Variants in ANO2 observed in about 807,000 individuals in gnomAD.
ANO2 encodes anoctamin 2, also known as anoctamin-2.
In ANO2, 101 loss-of-function variants were observed where a neutral mutation model predicts 124.2. The observed-to-expected ratio is 0.81, with a 90% CI of 0.69 to 0.96. The LOEUF is 0.96. Among genes scored for constraint, ANO2 ranks in the 40% least tolerant of loss-of-function variants. ANO2 has a pLI of 0.00. For synonymous variants in ANO2, 486 were observed against 482.5 expected (o/e 1.01, Z -0.09); for missense variants, 1,293 against 1,274.5 (o/e 1.01, Z -0.22).
intron 4 of ANO2, among the ~76,000 whole-genome samples, chr12:5,842,629 G>T (rs766465569): frequency 3.9e-5 from 6 of 152,162 alleles, no homozygotes; most frequent in Non-Finnish European, 8.8e-5. Flanking sequence ...TTTATTTAGT[G>T]CCTGCTGTAC....
chr12:5,841,667 C>A (rs1014126691), intron 4 of ANO2, among the ~76,000 whole-genome samples: 1 of 152,128 alleles, frequency 6.6e-6, no homozygotes, highest in Non-Finnish European at 1.5e-5. Context: ...TACCTTGGGG[C>A]CTGTGGGCAT....
intron 4 of ANO2, among the ~76,000 whole-genome samples, chr12:5,845,717 T>G (rs750901718): frequency 2.0e-5 from 3 of 152,218 alleles, no homozygotes; most frequent in Non-Finnish European, 4.4e-5. Context: ...AGCGTGGCTT[T>G]GGAGTCAGAC....
At chr12:5,827,906 G>A (rs2137211190) in intron 6 of ANO2, 86 bp from the exon 7 acceptor site, 1 of 1,466,118 alleles carries the variant, frequency 6.8e-7, no homozygotes, top group Non-Finnish European at 9.2e-7. Context: ...CCTGGCAGGG[G>A]CGGGAGGCGC....
intron 4 of ANO2, among the ~76,000 whole-genome samples, chr12:5,840,993 G>T (rs1193117280): frequency 6.6e-6 from 1 of 152,094 alleles, no homozygotes; most frequent in Non-Finnish European, 1.5e-5. Context: ...TCACCAGCTG[G>T]GCAAGGATGG....
intron 14 of ANO2, among the ~76,000 whole-genome samples, chr12:5,662,017 C>T (rs958605466): frequency 9.2e-5 from 14 of 152,198 alleles, no homozygotes; most frequent in Admixed American, 3.3e-4. Context: ...GCTCCCATGG[C>T]GCCCCTCCCT....
At chr12:5,827,436 C>A (rs1953991580) in intron 7 of ANO2, among the ~76,000 whole-genome samples, 3 of 152,150 alleles carry the variant, frequency 2.0e-5, no homozygotes. Context: ...TTATTAGAAA[C>A]TATTGGAAAT....
chr12:5,922,960 C>T (rs112460758), intron 1 of ANO2, among the ~76,000 whole-genome samples, 156 bp from the exon 2 acceptor site: 1 of 152,128 alleles, frequency 6.6e-6, no homozygotes, highest in Non-Finnish European at 1.5e-5. Flanking sequence ...CAGGTTCACA[C>T]TGACCACAAG....
intron 10 of ANO2, among the ~76,000 whole-genome samples, chr12:5,781,473 G>A (rs917608632): frequency 1.3e-5 from 2 of 152,134 alleles, no homozygotes; most frequent in Non-Finnish European, 2.9e-5. Flanking sequence ...TCTATCTCTA[G>A]GATTGAGATG....
At chr12:5,685,593 G>A (rs531702578) in intron 14 of ANO2, among the ~76,000 whole-genome samples, 3 of 152,262 alleles carry the variant, frequency 2.0e-5, no homozygotes, top group East Asian at 1.9e-4. Flanking sequence ...AGACCAGCCC[G>A]GGCAACATGG....
Position 5,615,276 on chromosome 12 carries a change from G to A in ANO2, c.1838C>T (p.Thr613Ile), listed in dbSNP as rs771155401. ...TKIEVPKTEQ[T>I]FEERLILKAF... ...TTTGAGGATCAGGCGCTCTTCAAAA[G>A]TCTGTTCTGTTTTCGGAACCTCTGT... is the stretch of plus-strand genomic sequence containing the variant. The change falls in exon 17 of 25, where the codon ACT (threonine) becomes ATT (isoleucine). Residue 613 changes from threonine to isoleucine, a missense_variant. Physicochemically the swap from Thr to Ile is moderately conservative, Grantham distance 89 (BLOSUM62 -1). Transcript: ENST00000682330. 28 of 1,613,216 alleles carry A rather than the reference G, an allele frequency of 1.7e-5. 1 individual carries two copies. The Middle Eastern group carries it at 1.6e-3, about 95-fold the overall frequency.
intron 3 of ANO2, among the ~76,000 whole-genome samples, chr12:5,888,876 A>T (rs1289196837): frequency 6.6e-6 from 1 of 152,214 alleles, no homozygotes; most frequent in East Asian, 1.9e-4. Flanking sequence ...GCTGCCTGCC[A>T]GTCCCACGCC....
intron 14 of ANO2, among the ~76,000 whole-genome samples, chr12:5,704,004 T>C (rs1488547033): frequency 6.6e-6 from 1 of 152,234 alleles, no homozygotes; most frequent in Non-Finnish European, 1.5e-5. Context: ...TTTGATCATT[T>C]CCAGAATTGG....
chr12:5,635,348 CTGTT>C lies in ANO2; in HGVS notation c.1621-5_1621-2del, dbSNP rs777147988. 7.1e-6 allele frequency: 11 copies of C among 1,556,880 alleles called. No individual in the cohort carries two copies. Among genetic ancestry groups the C allele is most frequent in the South Asian group, 1.2e-5 (1 of 80,884 alleles). ...AGACGATTGAGAATGTCAGGGCAAT[CTGTT>C]TGGGAAAACAGAGAGAAGTACACAT... On this transcript the variant is annotated splice_acceptor_variant and splice_polypyrimidine_tract_variant and intron_variant, in intron 15 of 24. Transcript: ENST00000682330. LOFTEE classifies it high-confidence loss of function. This position sits in a 1 kb window ranked among gnomAD's most constrained non-coding sequence, Gnocchi z 5.2.
rs146121470 is a variant in ANO2 at position 5,673,751 on chromosome 12, G to C, written c.1546-25950C>G. ...TGGTAGCACAGCCCTTCTCAAGCCA[G>C]TGGTCACTTCCTATTCTCCTGCCAG... is the stretch of plus-strand genomic sequence containing the variant. On this transcript the variant is annotated intron_variant, in intron 14 of 24. Coordinates refer to ENST00000682330, the MANE Select transcript of ANO2 (RefSeq NM_001364791.2). Among the ~76,000 whole-genome samples the C allele has an allele frequency of 6.6e-3, 1,004 of 152,336 alleles. 12 individuals are homozygous for C. Among genetic ancestry groups the C allele is most frequent in the African/African-American group, 0.022 (897 of 41,584 alleles).
At chr12:5,821,547 G>A (rs1953798804) in intron 7 of ANO2, among the ~76,000 whole-genome samples, 1 of 152,222 alleles carries the variant, frequency 6.6e-6, no homozygotes, top group South Asian at 2.1e-4. Context: ...TGAGGTGTCA[G>A]TCACAGATAG....
At chr12:5,624,467 C>A (rs895404363) in intron 16 of ANO2, among the ~76,000 whole-genome samples, 4 of 152,104 alleles carry the variant, frequency 2.6e-5, no homozygotes, top group African/African-American at 9.7e-5. Flanking sequence ...ATCACAGACA[C>A]CCCCAACACC....
intron 15 of ANO2, among the ~76,000 whole-genome samples, chr12:5,640,518 A>G (rs1260006480): frequency 6.6e-6 from 1 of 152,214 alleles, no homozygotes; most frequent in Admixed American, 6.5e-5. Flanking sequence ...CAAAGAACTT[A>G]AACAAATTTA....
At chr12:5,733,183 A>C in intron 13 of ANO2, 1 of 476,278 alleles carries the variant, frequency 2.1e-6, no homozygotes, top group Non-Finnish European at 3.9e-6. Flanking sequence ...GGAATCTTAA[A>C]ACTCACTTGC....
chr12:5,733,096 C>T, intron 13 of ANO2: 2 of 611,256 alleles, frequency 3.3e-6, no homozygotes, highest in South Asian at 1.9e-5. Context: ...AGGGCAACAA[C>T]AAAACTCCTT....
Sources: allele counts gnomAD v4.1 joint callset (sites outside exome capture counted in the v4.1 genomes callset), GRCh38; gene constraint gnomAD v4.1.1; non-coding constraint Gnocchi (gnomAD v3.1); transcripts MANE v1.5; gene names NCBI Gene and HGNC (gene_info 2026-07-23, HGNC 2026-07-21).